MPPED2: variants seen among roughly 807,000 people sequenced by gnomAD.
The protein encoded by MPPED2 is metallophosphoesterase domain containing 2.
A neutral mutation model predicts 33.0 loss-of-function variants in MPPED2; 5 were observed. That is an observed-to-expected ratio of 0.15 (90% CI 0.08 to 0.32). MPPED2 has a LOEUF of 0.32. MPPED2 is among the 10% of genes least tolerant of loss of function. The probability of loss-of-function intolerance (pLI) is 1.00; values close to 1 mark genes in which losing one functional copy is unlikely to be tolerated. For missense variants in MPPED2, 275 were observed against 372.1 expected (o/e 0.74, Z 2.15); for synonymous variants, 136 against 141.9 (o/e 0.96, Z 0.29).
At chr11:30,471,928 T>A (rs970833953) in intron 4 of MPPED2, among the ~76,000 whole-genome samples, 1 of 152,012 alleles carries the variant, frequency 6.6e-6, no homozygotes, top group African/African-American at 2.4e-5. Context: ...GAATAATCTC[T>A]ATAAACCACA....
chr11:30,392,414 G>A lies in MPPED2; in HGVS notation c.767-3458C>T, dbSNP rs188557140. On this transcript the variant is annotated intron_variant, in intron 6 of 6. Coordinates refer to the MPPED2 transcript ENST00000448418. Reference sequence around the variant, plus strand: ...TTCCACTGAACTCTGTGTGACCTTCGCAGACAATAATTACTTTAACATAGG... The same window carrying A: ...TTCCACTGAACTCTGTGTGACCTTCACAGACAATAATTACTTTAACATAGG... 4.6e-5 allele frequency among the ~76,000 whole-genome samples: 7 copies of A among 152,266 alleles called. No individual in the cohort carries two copies. The East Asian group carries it at 7.7e-4, about 17-fold the overall frequency.
chr11:30,391,587 G>A (rs976207700), intron 6 of MPPED2, among the ~76,000 whole-genome samples: 1 of 152,140 alleles, frequency 6.6e-6, no homozygotes, highest in African/African-American at 2.4e-5. Context: ...GAATGATTGT[G>A]TATGTTTCTA....
upstream of MPPED2, among the ~76,000 whole-genome samples, chr11:30,586,564 T>C (rs1957476345): frequency 1.3e-5 from 2 of 151,934 alleles, no homozygotes; most frequent in African/African-American, 2.4e-5. This position sits in a 1 kb window ranked among gnomAD's most constrained non-coding sequence, Gnocchi z 4.8. Context: ...CTGCTGGTGC[T>C]CCCGGGTCAA....
At chr11:30,582,877 C>G (rs911768094) in intron 1 of MPPED2, among the ~76,000 whole-genome samples, 3 of 152,210 alleles carry the variant, frequency 2.0e-5, no homozygotes, top group African/African-American at 7.2e-5. Flanking sequence ...GCTGGCACCT[C>G]ATTTGAATTC....
chr11:30,501,631 CTG>C, intron 3 of MPPED2: 3 of 980,304 alleles, frequency 3.1e-6, no homozygotes, highest in Non-Finnish European at 3.6e-6. Context: ...AGCATCCAGA[CTG>C]TTTCTCTCAA....
chr11:30,489,736 A>G (rs1951890657), intron 4 of MPPED2, among the ~76,000 whole-genome samples: 1 of 152,188 alleles, frequency 6.6e-6, no homozygotes. Context: ...ATTCCTGGAC[A>G]TTGGAAAGCC....
chr11:30,398,399 C>T (rs1040796411), intron 6 of MPPED2, among the ~76,000 whole-genome samples: 3 of 152,094 alleles, frequency 2.0e-5, no homozygotes, highest in African/African-American at 4.8e-5. Flanking sequence ...CTGGGGTTAC[C>T]GTTTATTAGA....
At chr11:30,493,264 G>T (rs895419384) in intron 4 of MPPED2, among the ~76,000 whole-genome samples, 7 of 151,724 alleles carry the variant, frequency 4.6e-5, no homozygotes, top group Non-Finnish European at 8.8e-5. Context: ...CCAGCTACTC[G>T]GGAGGCTGAG....
At chr11:30,558,557 A>T (rs1319938210) in intron 2 of MPPED2, among the ~76,000 whole-genome samples, 1 of 151,018 alleles carries the variant, frequency 6.6e-6, no homozygotes, top group East Asian at 1.9e-4. Context: ...CTAGAAATAC[A>T]AGTATGTGCC....
chr11:30,496,706 T>TGGGGGGGG (rs1952273363), intron 3 of MPPED2, among the ~76,000 whole-genome samples: 1 of 834 alleles, frequency 1.2e-3, no homozygotes, highest in Non-Finnish European at 2.7e-3. Flanking sequence ...GAGAATTTTG[T>TGGGGGGGG]GGGCGGGGGG....
Position 30,411,091 on chromosome 11 carries a change from A to G in MPPED2, c.*377T>C. 2 of 989,442 alleles carry G rather than the reference A, an allele frequency of 2.0e-6. No individual in the cohort carries two copies. The highest frequency in any genetic ancestry group is 2.4e-6 in the Non-Finnish European group (2 of 832,260). 61.3% of individuals were successfully genotyped at this position (989,442 alleles called of 1,614,324 possible). ...AACAATACTCTTAAACAGTTGTGCAAATCTGTGTTGGTTTTTAAAACACTG... is the reference window on the plus strand; with the variant it reads ...AACAATACTCTTAAACAGTTGTGCAGATCTGTGTTGGTTTTTAAAACACTG... On this transcript the variant is annotated 3_prime_UTR_variant, in exon 7 of 7. Coordinates refer to ENST00000358117, the MANE Select transcript of MPPED2 (RefSeq NM_001584.3).
At chr11:30,501,310 G>T (rs999550040) in intron 3 of MPPED2, among the ~76,000 whole-genome samples, 2 of 152,166 alleles carry the variant, frequency 1.3e-5, no homozygotes, top group African/African-American at 4.8e-5. Context: ...AGAACATTTT[G>T]ATTTTTCTCA....
chr11:30,580,604 A>G, intron 1 of MPPED2, 110 bp from the exon 2 acceptor site: 1 of 1,108,148 alleles, frequency 9.0e-7, no homozygotes, highest in Non-Finnish European at 1.2e-6. Flanking sequence ...AAATCTGAAT[A>G]TGTGTTGTTG....
At chr11:30,426,112 C>A (rs1401998094) in intron 4 of MPPED2, among the ~76,000 whole-genome samples, 1 of 152,132 alleles carries the variant, frequency 6.6e-6, no homozygotes, top group Non-Finnish European at 1.5e-5. Context: ...TCTCCAAATT[C>A]TTGTCATCAT....
chr11:30,430,653 A>G (rs988634726), intron 4 of MPPED2, among the ~76,000 whole-genome samples: 1 of 152,274 alleles, frequency 6.6e-6, no homozygotes, highest in Non-Finnish European at 1.5e-5. Context: ...TTGTTCACAC[A>G]GTGTAATTCG....
intron 4 of MPPED2, among the ~76,000 whole-genome samples, chr11:30,475,755 T>A (rs965442052): frequency 4.6e-5 from 7 of 152,166 alleles, no homozygotes; most frequent in African/African-American, 1.7e-4. Flanking sequence ...TTTTTATTTG[T>A]CTTGAGTACA....
In MPPED2 at chr11:30,411,354, A is replaced by G. The variant is rs1948094578; in HGVS notation, c.*114T>C. The G allele has an allele frequency of 7.9e-6, 11 of 1,397,422 alleles. No individual in the cohort carries two copies. The East Asian group carries it at 1.9e-4, about 25-fold the overall frequency. 86.6% of individuals were successfully genotyped at this position (1,397,422 alleles called of 1,614,324 possible). A position where few individuals can be genotyped will look rare whatever the true frequency, so the allele number is the denominator to read the frequency against. ...CCTCTAGCATCATTTGTGTTCCAAC[A>G]ATTTACAAAAAGAACTCACAGGGTT... On this transcript the variant is annotated 3_prime_UTR_variant, in exon 7 of 7. Coordinates refer to ENST00000358117, the MANE Select transcript of MPPED2 (RefSeq NM_001584.3).
chr11:30,473,183 TC>T (rs1330103990), intron 4 of MPPED2, among the ~76,000 whole-genome samples: 1 of 152,216 alleles, frequency 6.6e-6, no homozygotes, highest in Admixed American at 6.5e-5. Context: ...TTTGGCTGAT[TC>T]TCTCTGTGGT....
intron 2 of MPPED2, among the ~76,000 whole-genome samples, chr11:30,545,876 T>A (rs1442341507): frequency 1.3e-5 from 2 of 152,192 alleles, no homozygotes; most frequent in African/African-American, 4.8e-5. Flanking sequence ...TATATATATT[T>A]TTTTTAGACA....
Sources: allele counts gnomAD v4.1 joint callset (sites outside exome capture counted in the v4.1 genomes callset), GRCh38; gene constraint gnomAD v4.1.1; non-coding constraint Gnocchi (gnomAD v3.1); transcripts MANE v1.5; gene names NCBI Gene and HGNC (gene_info 2026-07-23, HGNC 2026-07-21).